EPB41L4A: variants seen among roughly 807,000 people sequenced by gnomAD.
EPB41L4A encodes the protein band 4.1-like protein 4A.
EPB41L4A carries 100 observed loss-of-function variants against 108.6 expected under a neutral mutation model. That is an observed-to-expected ratio of 0.92 (90% CI 0.78 to 1.09). The LOEUF (loss-of-function observed/expected upper bound fraction) is 1.09, where lower values mean the gene tolerates loss of function less well. Ranked by LOEUF, EPB41L4A falls within the 50% of genes least tolerant of loss-of-function variation. The pLI is 0.00. For synonymous variants in EPB41L4A, 319 were observed against 289.0 expected (o/e 1.10, Z -1.05); for missense variants, 1,030 against 842.7 (o/e 1.22, Z -2.75).
chr5:112,199,968 A>T (rs1418805677), intron 15 of EPB41L4A, among the ~76,000 whole-genome samples: 1 of 152,256 alleles, frequency 6.6e-6, no homozygotes, highest in East Asian at 1.9e-4. Flanking sequence ...AGTGAGGGTC[A>T]TCTGTACAAA....
intron 9 of EPB41L4A, among the ~76,000 whole-genome samples, chr5:112,255,463 A>C (rs552536014): frequency 6.6e-6 from 1 of 152,316 alleles, no homozygotes; most frequent in South Asian, 2.1e-4. Flanking sequence ...TCACTCTTCC[A>C]ATCTACTGAA....
At position 112,204,434 on chromosome 5, in the gene EPB41L4A, C is replaced by T. The variant is rs772733124; in HGVS notation, c.1317G>A (p.Thr439=). ...DRTKSPKFPY[T]RRRNPSCGSD... ...TTCCACAGGAGGGGTTTCGGCGACG[C>T]GTGTAAGGGAACTTTGGCGACTTAG... The change falls in exon 15 of 23, where the codon ACG becomes ACA. Residue 439 remains threonine, a synonymous_variant. Coordinates refer to ENST00000261486, the MANE Select transcript of EPB41L4A (RefSeq NM_022140.5). 6.8e-6 allele frequency: 11 copies of T among 1,613,880 alleles called. No individual in the cohort carries two copies. Among genetic ancestry groups the T allele is most frequent in the Admixed American group, 3.3e-5 (2 of 60,006 alleles).
At chr5:112,394,108 T>C (rs1580820959) in intron 1 of EPB41L4A, among the ~76,000 whole-genome samples, 2 of 152,104 alleles carry the variant, frequency 1.3e-5, no homozygotes, top group African/African-American at 2.4e-5. Context: ...TAAGAGCTAT[T>C]TATGACAAAC....
intron 1 of EPB41L4A, among the ~76,000 whole-genome samples, chr5:112,334,641 C>T (rs1442709113): frequency 6.6e-6 from 1 of 152,112 alleles, no homozygotes; most frequent in African/African-American, 2.4e-5. Context: ...TTTGTGCTGT[C>T]CCACCTTTCT....
chr5:112,412,398 T>C (rs1762463656), intron 1 of EPB41L4A, among the ~76,000 whole-genome samples: 2 of 152,186 alleles, frequency 1.3e-5, no homozygotes. Flanking sequence ...GAGAAAGGGA[T>C]TCACAATACG....
At chr5:112,236,795 T>A (rs1396390794) in intron 11 of EPB41L4A, among the ~76,000 whole-genome samples, 1 of 152,240 alleles carries the variant, frequency 6.6e-6, no homozygotes, top group East Asian at 1.9e-4. Flanking sequence ...TGCCACTTAC[T>A]GATTAGGGAC....
chr5:112,386,391 G>A (rs947255868), intron 1 of EPB41L4A, among the ~76,000 whole-genome samples: 1 of 152,006 alleles, frequency 6.6e-6, no homozygotes, highest in African/African-American at 2.4e-5. Flanking sequence ...TAATAATGTT[G>A]ATTTCCATAT....
intron 1 of EPB41L4A, among the ~76,000 whole-genome samples, chr5:112,312,794 T>C (rs758721871): frequency 4.6e-5 from 7 of 152,176 alleles, no homozygotes; most frequent in Non-Finnish European, 7.3e-5. Context: ...ACATGGATAA[T>C]TTCATTCTTC....
intron 1 of EPB41L4A, among the ~76,000 whole-genome samples, chr5:112,331,094 G>A (rs1446079585): frequency 6.6e-6 from 1 of 152,180 alleles, no homozygotes; most frequent in South Asian, 2.1e-4. Context: ...AAGCAAGCCT[G>A]AGTTCCAATC....
chr5:112,258,468 C>A (rs879350229), intron 9 of EPB41L4A, among the ~76,000 whole-genome samples: 48 of 152,310 alleles, frequency 3.2e-4, no homozygotes, highest in Admixed American at 2.6e-4. Flanking sequence ...TCTCCTATAT[C>A]GTGTTTTCAC....
At chr5:112,285,651 T>C (rs1431814429) in intron 2 of EPB41L4A, among the ~76,000 whole-genome samples, 1 of 152,164 alleles carries the variant, frequency 6.6e-6, no homozygotes, top group Non-Finnish European at 1.5e-5. Context: ...GCCCCGTTTT[T>C]CAGCAAAAGT....
intron 2 of EPB41L4A, among the ~76,000 whole-genome samples, chr5:112,288,969 G>A (rs4958033): frequency 0.062 from 9,447 of 152,070 alleles, 357 homozygotes; most frequent in Middle Eastern, 0.099. Context: ...ATATTGGGAG[G>A]CCTTGGGAGG....
At chr5:112,234,856 A>G (rs1749216129) in intron 11 of EPB41L4A, 101 bp from the exon 12 acceptor site, 2 of 1,271,610 alleles carry the variant, frequency 1.6e-6, no homozygotes, top group Non-Finnish European at 2.1e-6. Flanking sequence ...AGAGAAGAAA[A>G]AACACACAGA....
intron 1 of EPB41L4A, among the ~76,000 whole-genome samples, chr5:112,361,703 TA>T (rs200811023): frequency 2.9e-5 from 4 of 140,096 alleles, no homozygotes; most frequent in Admixed American, 7.1e-5. Context: ...CCAAAAATGC[TA>T]AAAAAAAATA....
At chr5:112,231,703 TG>T (rs1328391274) in intron 12 of EPB41L4A, among the ~76,000 whole-genome samples, 4 of 139,228 alleles carry the variant, frequency 2.9e-5, no homozygotes, top group African/African-American at 8.0e-5. Flanking sequence ...GAGAATGGCG[TG>T]AACCCGGGAG....
At chr5:112,228,692 A>T in intron 12 of EPB41L4A, 1 of 985,164 alleles carries the variant, frequency 1.0e-6, no homozygotes, top group Non-Finnish European at 1.2e-6. Flanking sequence ...ATCTCCTTTG[A>T]CAGGAATCCA....
At chr5:112,280,427 G>A (rs773907371) in intron 2 of EPB41L4A, 104 bp from the exon 3 acceptor site, 138 of 1,087,178 alleles carry the variant, frequency 1.3e-4, no homozygotes, top group Non-Finnish European at 1.8e-4. Flanking sequence ...TTTAAAACTT[G>A]GTCAGTTAAA....
chr5:112,419,065 G>A lies in EPB41L4A; in HGVS notation c.-26C>T. 3 of 1,583,374 alleles carry A rather than the reference G, an allele frequency of 1.9e-6. No homozygotes were observed. Among genetic ancestry groups the A allele is most frequent in the Non-Finnish European group, 2.6e-6 (3 of 1,153,484 alleles). On this transcript the variant is annotated 5_prime_UTR_variant, in exon 1 of 23. Coordinates refer to ENST00000261486, the MANE Select transcript of EPB41L4A (RefSeq NM_022140.5). ...GTCGGTTGTGGTCGTCTCCAGCCAG[G>A]AGAGAAAGCTACCACCGAGGCGCCC...
intron 15 of EPB41L4A, among the ~76,000 whole-genome samples, chr5:112,201,046 A>T (rs147971890): frequency 2.0e-5 from 3 of 152,360 alleles, no homozygotes; most frequent in Non-Finnish European, 4.4e-5. Context: ...TTAATCCAGC[A>T]ATGTAGAGGT....
Sources: gnomAD v4.1 joint callset for allele counts (sites outside exome capture counted in the v4.1 genomes callset) on GRCh38, gnomAD v4.1.1 for gene constraint, MANE v1.5 for transcripts, NCBI Gene and HGNC (gene_info 2026-07-23, HGNC 2026-07-21) for gene names.